Variants in TBC1D32 observed in about 807,000 individuals in gnomAD.
The protein encoded by TBC1D32 is protein broad-minded.
TBC1D32 carries 151 observed loss-of-function variants against 170.3 expected under a neutral mutation model. The ratio of observed to expected loss-of-function variants is 0.89; its 90% CI spans 0.78 to 1.01. The LOEUF (loss-of-function observed/expected upper bound fraction) is 1.01, where lower values mean the gene tolerates loss of function less well. Ranked by LOEUF, TBC1D32 falls within the 50% of genes least tolerant of loss-of-function variation. The pLI is 0.00. For synonymous variants in TBC1D32, 498 were observed against 488.0 expected (o/e 1.02, Z -0.27); for missense variants, 1,464 against 1,457.1 (o/e 1.00, Z -0.08).
chr6:121,115,140 A>C (rs773978800), intron 27 of TBC1D32, 32 bp downstream of exon 27: 6 of 1,540,000 alleles, frequency 3.9e-6, no homozygotes, highest in Non-Finnish European at 5.3e-6. Flanking sequence ...AATTCTAGAA[A>C]TGCACAAGGG....
intron 15 of TBC1D32, among the ~76,000 whole-genome samples, chr6:121,263,030 A>C (rs1022205096): frequency 2.0e-5 from 3 of 152,294 alleles, no homozygotes; most frequent in Admixed American, 6.5e-5. Context: ...ACTAGTGTGC[A>C]AAATAACCAG....
At chr6:121,283,632 A>C (rs1009783826) in intron 13 of TBC1D32, among the ~76,000 whole-genome samples, 186 bp downstream of exon 13, 8 of 151,938 alleles carry the variant, frequency 5.3e-5, no homozygotes, top group African/African-American at 1.7e-4. Flanking sequence ...GAAACATCTT[A>C]AAACATCAGT....
At chr6:121,117,651 G>A (rs1159492873) in intron 26 of TBC1D32, among the ~76,000 whole-genome samples, 1 of 152,074 alleles carries the variant, frequency 6.6e-6, no homozygotes, top group African/African-American at 2.4e-5. Context: ...GGAGTGGGCT[G>A]AGATCATGCC....
intron 13 of TBC1D32, among the ~76,000 whole-genome samples, chr6:121,283,270 A>G (rs1032103096): frequency 2.6e-5 from 4 of 151,880 alleles, no homozygotes; most frequent in Non-Finnish European, 4.4e-5. Context: ...TTTGGAAACT[A>G]TTCTTGATAC....
At chr6:121,117,497 T>C (rs568160780) in intron 26 of TBC1D32, among the ~76,000 whole-genome samples, 1 of 151,994 alleles carries the variant, frequency 6.6e-6, no homozygotes, top group African/African-American at 2.4e-5. Context: ...AGGTCATGAG[T>C]TCAAGACCAG....
intron 31 of TBC1D32, among the ~76,000 whole-genome samples, chr6:121,086,855 G>C (rs1193637649): frequency 6.6e-6 from 1 of 152,168 alleles, no homozygotes. Flanking sequence ...CACTAAACCT[G>C]TTTGTGTGTG....
At chr6:121,211,650 C>T (rs1357249643) in intron 21 of TBC1D32, among the ~76,000 whole-genome samples, 1 of 152,168 alleles carries the variant, frequency 6.6e-6, no homozygotes, top group African/African-American at 2.4e-5. Flanking sequence ...TTATTTCATT[C>T]CTTTATTATG....
chr6:121,092,828 T>C (rs886930797), intron 30 of TBC1D32, among the ~76,000 whole-genome samples: 3 of 152,176 alleles, frequency 2.0e-5, no homozygotes, highest in Admixed American at 6.5e-5. Flanking sequence ...TATTCAAATA[T>C]AGTCACATTC....
chr6:121,274,113 T>C (rs750707658), intron 15 of TBC1D32, among the ~76,000 whole-genome samples: 31 of 152,080 alleles, frequency 2.0e-4, no homozygotes, highest in Non-Finnish European at 3.7e-4. Context: ...GGCGGGCAGA[T>C]CATGAGGTCG....
At chr6:121,264,161 AAAAT>A (rs1027173776) in intron 15 of TBC1D32, among the ~76,000 whole-genome samples, 10 of 152,054 alleles carry the variant, frequency 6.6e-5, no homozygotes, top group African/African-American at 2.4e-4. Context: ...TTTTCTTGAA[AAAAT>A]AAAATAGACC....
At chr6:121,281,946 A>G (rs17083360) in intron 13 of TBC1D32, among the ~76,000 whole-genome samples, 4,977 of 151,832 alleles carry the variant, frequency 0.033, 191 homozygotes, top group East Asian at 0.12. Flanking sequence ...TTTACTGTCC[A>G]ACATTAAATT....
At position 121,126,414 on chromosome 6, in the gene TBC1D32, G is replaced by A; in HGVS notation, c.2947C>T (p.Pro983Ser). The change falls in exon 26 of 32, where the codon CCA becomes TCA. Residue 983 changes from proline (P) to serine (S), a missense_variant. Coordinates refer to ENST00000398212, the MANE Select transcript of TBC1D32 (RefSeq NM_152730.6). ...EKFVLHLTES[P>S]SECYFPSVEY... ...ACTGAAGGGAAGTAGCATTCAGATG[G>A]GCTTTCAGTGAGATGAAGCACAAAT... 4 of 1,612,634 alleles carry A rather than the reference G, an allele frequency of 2.5e-6. No individual in the cohort carries two copies. The highest frequency in any genetic ancestry group is 3.4e-6 in the Non-Finnish European group (4 of 1,179,356).
chr6:121,190,530 T>A (rs1789865835), intron 22 of TBC1D32, among the ~76,000 whole-genome samples: 1 of 151,848 alleles, frequency 6.6e-6, no homozygotes, highest in Non-Finnish European at 1.5e-5. Flanking sequence ...GAAATGAAAA[T>A]CAGTGTCTCC....
chr6:121,226,671 G>A (rs1385538583), intron 20 of TBC1D32, among the ~76,000 whole-genome samples: 1 of 152,124 alleles, frequency 6.6e-6, no homozygotes, highest in Non-Finnish European at 1.5e-5. Context: ...CATAAGGTTA[G>A]TGTTCGGGGA....
At chr6:121,148,230 G>A (rs1783731559) in intron 24 of TBC1D32, among the ~76,000 whole-genome samples, 1 of 152,040 alleles carries the variant, frequency 6.6e-6, no homozygotes, top group Non-Finnish European at 1.5e-5. Flanking sequence ...GTGAGAACAT[G>A]CAGTGTTTGG....
chr6:121,103,442 G>A (rs946436750), intron 30 of TBC1D32, among the ~76,000 whole-genome samples: 7 of 151,886 alleles, frequency 4.6e-5, no homozygotes, highest in African/African-American at 1.7e-4. Context: ...TAGGGACATG[G>A]ATGAAGCTGG....
At chr6:121,201,687 C>A (rs1791583691) in intron 22 of TBC1D32, among the ~76,000 whole-genome samples, 1 of 151,034 alleles carries the variant, frequency 6.6e-6, no homozygotes, top group Admixed American at 6.6e-5. Flanking sequence ...TTTAAAGTGG[C>A]AACTGTACTA....
intron 22 of TBC1D32, among the ~76,000 whole-genome samples, chr6:121,185,699 A>G (rs375843245): frequency 6.6e-6 from 1 of 152,096 alleles, no homozygotes; most frequent in East Asian, 1.9e-4. Flanking sequence ...ATCCTTGGCT[A>G]CTATGCTTTT....
chr6:121,152,862 T>C (rs779951711), intron 24 of TBC1D32, among the ~76,000 whole-genome samples: 1 of 152,176 alleles, frequency 6.6e-6, no homozygotes, highest in Non-Finnish European at 1.5e-5. Flanking sequence ...AGGTCACTTA[T>C]GTTCTTCTCT....
Sources: allele counts gnomAD v4.1 joint callset (sites outside exome capture counted in the v4.1 genomes callset), GRCh38; gene constraint gnomAD v4.1.1; transcripts MANE v1.5; gene names NCBI Gene and HGNC (gene_info 2026-07-23, HGNC 2026-07-21).